DNM3: variants seen among roughly 807,000 people sequenced by gnomAD.
The protein encoded by DNM3 is dynamin 3.
A neutral mutation model predicts 101.6 loss-of-function variants in DNM3; 47 were observed. The ratio of observed to expected loss-of-function variants is 0.46; its 90% CI spans 0.37 to 0.59. The LOEUF (loss-of-function observed/expected upper bound fraction) is 0.59. DNM3 is among the 20% of genes least tolerant of loss of function. The pLI is 0.00. For missense variants in DNM3, 849 were observed against 1,085.7 expected (o/e 0.78, Z 3.06); for synonymous variants, 385 against 387.9 (o/e 0.99, Z 0.09).
intron 17 of DNM3, among the ~76,000 whole-genome samples, chr1:172,378,524 C>A (rs1382482437): frequency 6.6e-6 from 1 of 150,438 alleles, no homozygotes; most frequent in Non-Finnish European, 1.5e-5. Context: ...CTTCAGGCAG[C>A]CCTACAAAAT....
chr1:172,338,199 G>A (rs2066533421), intron 17 of DNM3, among the ~76,000 whole-genome samples: 1 of 152,136 alleles, frequency 6.6e-6, no homozygotes, highest in Non-Finnish European at 1.5e-5. Context: ...ACAGGCGTGA[G>A]CCACTGCACC....
chr1:171,926,246 T>A (rs1004360347), intron 2 of DNM3, among the ~76,000 whole-genome samples: 44 of 152,026 alleles, frequency 2.9e-4, no homozygotes, highest in African/African-American at 1.0e-3. Flanking sequence ...TCTAATTCTG[T>A]GAAAGATGAT....
chr1:172,231,834 AG>A (rs1395545753), intron 14 of DNM3, among the ~76,000 whole-genome samples: 4 of 152,234 alleles, frequency 2.6e-5, no homozygotes, highest in African/African-American at 7.2e-5. Flanking sequence ...AATGGAAGAA[AG>A]GGTATCAGTG....
At chr1:172,253,328 T>A (rs1207814564) in intron 14 of DNM3, among the ~76,000 whole-genome samples, 1 of 152,096 alleles carries the variant, frequency 6.6e-6, no homozygotes, top group Non-Finnish European at 1.5e-5. Flanking sequence ...ATGTTGAGAA[T>A]CACTGGGGCC....
chr1:172,209,589 A>G (rs2060442133), intron 14 of DNM3, among the ~76,000 whole-genome samples: 1 of 151,978 alleles, frequency 6.6e-6, no homozygotes, highest in Non-Finnish European at 1.5e-5. Context: ...AAGCAAGGAG[A>G]AGACTCTTCC....
Position 171,841,745 on chromosome 1 carries a change from A to G in DNM3, c.89A>G (p.Glu30Gly). ...FSALGQSCLL[E>G]LPQIAVVGGQ... ...GCGCTGGGACAGAGCTGCCTGCTGG[A>G]GCTGCCGCAGATCGCCGTGGTGGGC... The change falls in exon 1 of 21, where the codon GAG becomes GGG. Residue 30 changes from glutamate to glycine, a missense_variant. Around this residue, in one of 5 missense-constraint regions of DNM3, gnomAD observed 388 missense variants for 483.0 expected, o/e 0.80. Coordinates refer to ENST00000627582, the MANE Select transcript of DNM3 (RefSeq NM_015569.5). 1 of 1,610,450 alleles carries G rather than the reference A, an allele frequency of 6.2e-7. No individual in the cohort carries two copies. The highest frequency in any genetic ancestry group is 8.5e-7 in the Non-Finnish European group (1 of 1,179,214).
At chr1:171,876,302 TTATG>T (rs2035776853) in intron 1 of DNM3, among the ~76,000 whole-genome samples, 1 of 152,142 alleles carries the variant, frequency 6.6e-6, no homozygotes, top group South Asian at 2.1e-4. Context: ...TAGGCCTACT[TTATG>T]TAAGCTTGAA....
At chr1:172,294,347 T>G (rs925758450) in intron 15 of DNM3, among the ~76,000 whole-genome samples, 3 of 152,148 alleles carry the variant, frequency 2.0e-5, no homozygotes, top group African/African-American at 7.2e-5. Context: ...ATGAAAAAGG[T>G]GGTTTAAAAA....
chr1:172,417,970 G>A (rs2071490471), intron 20 of DNM3, among the ~76,000 whole-genome samples: 1 of 152,184 alleles, frequency 6.6e-6, no homozygotes, highest in South Asian at 2.1e-4. Flanking sequence ...CAGTTCTCCT[G>A]AATAAGAGTG....
At chr1:172,201,794 G>T (rs2060162848) in intron 14 of DNM3, among the ~76,000 whole-genome samples, 1 of 152,186 alleles carries the variant, frequency 6.6e-6, no homozygotes, top group Admixed American at 6.5e-5. Context: ...CTCTGGCAGG[G>T]GTTGGCTGGA....
At chr1:172,137,444 G>A (rs1052159529) in intron 14 of DNM3, 1 of 152,098 alleles carries the variant, frequency 6.6e-6, no homozygotes, top group Admixed American at 6.6e-5. Flanking sequence ...AATCATATTT[G>A]TGCTTTGTAG....
intron 1 of DNM3, among the ~76,000 whole-genome samples, chr1:171,852,904 T>C (rs2033145685): frequency 2.0e-5 from 3 of 152,102 alleles, no homozygotes; most frequent in Admixed American, 2.0e-4. Flanking sequence ...TGTTTGTTTG[T>C]TTGTTTTAAA....
chr1:171,996,719 A>T lies in DNM3; in HGVS notation c.589+7571A>T, dbSNP rs560184906. ...ACCTCAAAAGTTTGCTATAATAATT[A>T]AGATAAATTATTATAAAGATAATAA... On this transcript the variant is annotated intron_variant, in intron 4 of 20. Coordinates refer to ENST00000627582, the MANE Select transcript of DNM3 (RefSeq NM_015569.5). Among the ~76,000 whole-genome samples the T allele has an allele frequency of 1.8e-4, 27 of 152,242 alleles. 1 individual carries two copies. In the South Asian group the frequency reaches 4.3e-3, roughly 25 times the overall value.
chr1:171,969,044 A>G (rs756105019), intron 2 of DNM3, among the ~76,000 whole-genome samples: 3 of 152,164 alleles, frequency 2.0e-5, no homozygotes, highest in Non-Finnish European at 4.4e-5. Context: ...TTATTTTAAT[A>G]ATGACATTTA....
chr1:172,129,777 G>A (rs2056835382), intron 13 of DNM3, among the ~76,000 whole-genome samples: 1 of 152,166 alleles, frequency 6.6e-6, no homozygotes, highest in Non-Finnish European at 1.5e-5. Flanking sequence ...AAGTTAAGAT[G>A]AGATTTGGGT....
chr1:172,119,355 G>A (rs778194191), intron 13 of DNM3, among the ~76,000 whole-genome samples: 5 of 151,980 alleles, frequency 3.3e-5, no homozygotes, highest in Admixed American at 1.3e-4. Context: ...AAAATTTTAC[G>A]TTTGACCTTA....
At chr1:172,217,694 T>C (rs2060755508) in intron 14 of DNM3, among the ~76,000 whole-genome samples, 1 of 152,138 alleles carries the variant, frequency 6.6e-6, no homozygotes, top group Non-Finnish European at 1.5e-5. Flanking sequence ...ACTCTCTCCT[T>C]ACTTTTTTAA....
chr1:172,391,172 C>G (rs553362257), intron 20 of DNM3, among the ~76,000 whole-genome samples: 2 of 152,290 alleles, frequency 1.3e-5, no homozygotes, highest in South Asian at 2.1e-4. Flanking sequence ...CTAGAATACT[C>G]TCAAGTTAGA....
intron 20 of DNM3, among the ~76,000 whole-genome samples, chr1:172,392,646 T>C (rs2069622762): frequency 6.6e-6 from 1 of 152,218 alleles, no homozygotes; most frequent in South Asian, 2.1e-4. Flanking sequence ...CTGGCAATAA[T>C]GAACTCTGGC....
Sources: allele counts gnomAD v4.1 joint callset (sites outside exome capture counted in the v4.1 genomes callset), GRCh38; gene constraint gnomAD v4.1.1; regional missense constraint gnomAD v4.1.1; transcripts MANE v1.5; gene names NCBI Gene and HGNC (gene_info 2026-07-23, HGNC 2026-07-21).